Variants in STPG2 observed in about 807,000 individuals in gnomAD.
STPG2 encodes the protein sperm-tail PG-rich repeat-containing protein 2.
A neutral mutation model predicts 54.2 loss-of-function variants in STPG2; 56 were observed. The ratio of observed to expected loss-of-function variants is 1.03; its 90% CI spans 0.83 to 1.29. The LOEUF is 1.29. Ranked by LOEUF, STPG2 falls within the 50% of genes most tolerant of loss-of-function variation. STPG2 has a pLI of 0.00. For synonymous variants in STPG2, 200 were observed against 181.8 expected (o/e 1.10, Z -0.81); for missense variants, 596 against 544.9 (o/e 1.09, Z -0.93).
intron 10 of STPG2, among the ~76,000 whole-genome samples, chr4:97,681,606 T>C (rs1049772154): frequency 2.6e-5 from 4 of 151,858 alleles, no homozygotes; most frequent in African/African-American, 9.7e-5. Flanking sequence ...TTGGAACTAA[T>C]TGTATAAGCA....
At chr4:97,660,065 C>G (rs1722330967) in intron 10 of STPG2, among the ~76,000 whole-genome samples, 1 of 151,200 alleles carries the variant, frequency 6.6e-6, no homozygotes, top group African/African-American at 2.4e-5. Context: ...TGCAGTGGCG[C>G]AATCTCAGCT....
chr4:97,859,826 G>A (rs532594890), intron 8 of STPG2, among the ~76,000 whole-genome samples: 1 of 152,088 alleles, frequency 6.6e-6, no homozygotes, highest in Non-Finnish European at 1.5e-5. Context: ...GTGTTTCTTT[G>A]ATGTTATCTT....
intron 4 of STPG2, among the ~76,000 whole-genome samples, chr4:97,470,520 A>T (rs1560622457): frequency 6.6e-6 from 1 of 152,112 alleles, no homozygotes; most frequent in South Asian, 2.1e-4. Flanking sequence ...CCCCTAGTGG[A>T]TGTCTGAAAT....
intron 5 of STPG2, among the ~76,000 whole-genome samples, chr4:98,028,790 T>C (rs1736506932): frequency 1.3e-5 from 2 of 152,216 alleles, no homozygotes; most frequent in South Asian, 4.1e-4. Flanking sequence ...AGTACATTGA[T>C]TTTACATCTT....
At chr4:97,461,628 C>A (rs1299569077) in intron 4 of STPG2, among the ~76,000 whole-genome samples, 1 of 152,152 alleles carries the variant, frequency 6.6e-6, no homozygotes, top group African/African-American at 2.4e-5. Context: ...TTATAACCCA[C>A]CCAGTCTATG....
At chr4:97,736,713 G>A (rs1460664617) in intron 9 of STPG2, among the ~76,000 whole-genome samples, 26 of 152,318 alleles carry the variant, frequency 1.7e-4, no homozygotes, top group Non-Finnish European at 1.2e-4. Flanking sequence ...CGGGAAGCTC[G>A]AACTGGGTGG....
intron 4 of STPG2, among the ~76,000 whole-genome samples, chr4:97,540,455 AC>A (rs1731667313): frequency 1.3e-5 from 2 of 152,148 alleles, no homozygotes; most frequent in African/African-American, 4.8e-5. Flanking sequence ...TAGACCAATA[AC>A]AGGCTCTGAA....
chr4:97,867,489 C>T (rs1187919230), intron 8 of STPG2, among the ~76,000 whole-genome samples: 2 of 152,090 alleles, frequency 1.3e-5, no homozygotes, highest in South Asian at 4.1e-4. Context: ...ATTACATTTT[C>T]CAACTGATTA....
intron 5 of STPG2, among the ~76,000 whole-genome samples, chr4:98,058,776 C>T (rs1737557345): frequency 6.6e-6 from 1 of 152,054 alleles, no homozygotes; most frequent in African/African-American, 2.4e-5. Context: ...TCTAATCACT[C>T]CATGGCACAT....
chr4:97,587,908 A>G (rs576871476), intron 10 of STPG2, among the ~76,000 whole-genome samples: 1 of 152,154 alleles, frequency 6.6e-6, no homozygotes, highest in East Asian at 1.9e-4. Flanking sequence ...CCCTAAATAA[A>G]AATTAATTTC....
intron 4 of STPG2, among the ~76,000 whole-genome samples, chr4:97,506,904 A>C (rs1730855893): frequency 1.3e-5 from 2 of 152,112 alleles, no homozygotes; most frequent in Admixed American, 1.3e-4. Flanking sequence ...TACAAAGGAG[A>C]ATGTAAATAC....
At chr4:98,020,723 A>G (rs1736152723) in intron 5 of STPG2, among the ~76,000 whole-genome samples, 1 of 152,308 alleles carries the variant, frequency 6.6e-6, no homozygotes, top group African/African-American at 2.4e-5. Context: ...TCAGAGATTC[A>G]ACTTCTTCCT....
intron 4 of STPG2, among the ~76,000 whole-genome samples, chr4:97,504,996 G>A (rs1730814251): frequency 6.6e-6 from 1 of 151,536 alleles, no homozygotes; most frequent in Admixed American, 6.6e-5. Flanking sequence ...GAAATCTGAA[G>A]ACCAGGCACA....
At chr4:97,964,372 A>G (rs1228234296) in intron 7 of STPG2, among the ~76,000 whole-genome samples, 2 of 152,138 alleles carry the variant, frequency 1.3e-5, no homozygotes, top group African/African-American at 2.4e-5. Flanking sequence ...GAAGGCAATC[A>G]TCCTTAAAAA....
At chr4:97,487,650 T>G (rs1451756633) in intron 4 of STPG2, among the ~76,000 whole-genome samples, 2 of 151,488 alleles carry the variant, frequency 1.3e-5, no homozygotes, top group Non-Finnish European at 3.0e-5. Flanking sequence ...CTTTTTACAC[T>G]TGATGGTATA....
chr4:97,595,344 G>C (rs996320986), intron 10 of STPG2, among the ~76,000 whole-genome samples: 4 of 144,958 alleles, frequency 2.8e-5, no homozygotes, highest in African/African-American at 1.2e-4. Context: ...GCGAACTATC[G>C]CAAGGACAAA....
intron 8 of STPG2, among the ~76,000 whole-genome samples, chr4:97,866,281 T>C (rs67274661): frequency 0.34 from 51,108 of 151,818 alleles, 10,996 homozygotes; most frequent in African/African-American, 0.59. Flanking sequence ...AAAGGATAAA[T>C]GCTTGATGTG....
intron 10 of STPG2, among the ~76,000 whole-genome samples, chr4:97,561,068 C>G (rs568679328): frequency 2.5e-4 from 38 of 152,208 alleles, no homozygotes; most frequent in African/African-American, 9.2e-4. Flanking sequence ...GTCCCACCAA[C>G]AGTGTAAAAG....
chr4:98,005,891 T>C (rs920932165), intron 5 of STPG2, among the ~76,000 whole-genome samples: 1 of 152,198 alleles, frequency 6.6e-6, no homozygotes, highest in African/African-American at 2.4e-5. Flanking sequence ...ACAAAATGAG[T>C]TGAAAATGGT....
Sources: allele counts gnomAD v4.1 joint callset (sites outside exome capture counted in the v4.1 genomes callset), GRCh38; gene constraint gnomAD v4.1.1; transcripts MANE v1.5; gene names NCBI Gene and HGNC (gene_info 2026-07-23, HGNC 2026-07-21).